Variants in BMPR2 observed in about 807,000 individuals in gnomAD.
BMPR2 encodes the protein bone morphogenetic protein receptor type-2.
In BMPR2, 29 loss-of-function variants were observed where a neutral mutation model predicts 100.8. The ratio of observed to expected loss-of-function variants is 0.29; its 90% CI spans 0.21 to 0.39. The LOEUF (loss-of-function observed/expected upper bound fraction) is 0.39. BMPR2 is among the 10% of genes least tolerant of loss of function. The pLI is 1.00. For synonymous variants in BMPR2, 382 were observed against 442.3 expected, an observed-to-expected ratio of 0.86 and a Z score of 1.71; for missense variants, 1,011 against 1,274.5, an observed-to-expected ratio of 0.79 and a Z score of 3.15.
rs1377597429 is a variant in BMPR2 at position 202,518,941 on chromosome 2, C to T, written c.741C>T (p.Tyr247=). Residue 247 remains tyrosine, a synonymous_variant, in exon 6 of 13, where the codon TAC becomes TAT. Coordinates refer to ENST00000374580, the MANE Select transcript of BMPR2 (RefSeq NM_001204.7). Reference sequence around the variant, plus strand: ...ATTTTATCAACGAAAAGAACATTTACAGAGTGCCTTTGATGGAACATGACA... The same window carrying T: ...ATTTTATCAACGAAAAGAACATTTATAGAGTGCCTTTGATGGAACATGACA... ...RQNFINEKNI[Y]RVPLMEHDNI... 6.2e-7 allele frequency: 1 copy of T among 1,614,222 alleles called. No individual in the cohort carries two copies. The highest frequency in any genetic ancestry group is 1.7e-5 in the Admixed American group (1 of 60,022).
At chr2:202,556,910 C>T (rs1185852011) in intron 12 of BMPR2, among the ~76,000 whole-genome samples, 3 of 152,024 alleles carry the variant, frequency 2.0e-5, no homozygotes, top group Admixed American at 2.0e-4. Context: ...CATGGTGAAA[C>T]CCCATCTCTA....
At chr2:202,516,140 GTT>G (rs1687706428) in intron 5 of BMPR2, among the ~76,000 whole-genome samples, 1 of 152,006 alleles carries the variant, frequency 6.6e-6, no homozygotes, top group Non-Finnish European at 1.5e-5. Context: ...CATGATGAGT[GTT>G]TTTATATTTA....
At chr2:202,412,244 A>G (rs1574434563) in intron 1 of BMPR2, among the ~76,000 whole-genome samples, 1 of 152,204 alleles carries the variant, frequency 6.6e-6, no homozygotes, top group Non-Finnish European at 1.5e-5. Flanking sequence ...AGATAGTAAA[A>G]TGAAGTCACC....
At chr2:202,533,127 T>C (rs1027122054) in intron 9 of BMPR2, among the ~76,000 whole-genome samples, 4 of 152,192 alleles carry the variant, frequency 2.6e-5, no homozygotes, top group Non-Finnish European at 5.9e-5. Flanking sequence ...TAAACACTTT[T>C]TCCTTTTCTT....
rs376774555 is a variant in BMPR2, at chr2:202,556,418, A to G, written c.2753A>G (p.Gln918Arg). Residue 918 changes from glutamine (Q) to arginine (R), a missense_variant, in exon 12 of 13, where the codon CAG (glutamine) becomes CGG (arginine). Physicochemically the swap from Gln to Arg is conservative, Grantham distance 43. This residue lies in a region of BMPR2 where 508 missense variants were observed against 552.0 expected (regional missense o/e 0.92). Transcript: ENST00000374580. ...TGTTCAGAACAAGATGTTCTTGCAC[A>G]GGGTGTTCCAAGCACAGCAGCAGAT... is the stretch of plus-strand genomic sequence containing the variant. ...NPCSEQDVLA[Q>R]GVPSTAADPG... 7 of 1,614,100 alleles carry G rather than the reference A, an allele frequency of 4.3e-6. No homozygotes were observed. The African/African-American group carries it at 9.3e-5, about 22-fold the overall frequency.
At chr2:202,457,557 TATATAGAGAGAGAGAGAGAG>T (rs1420869812) in intron 1 of BMPR2, among the ~76,000 whole-genome samples, 3 of 100,800 alleles carry the variant, frequency 3.0e-5, no homozygotes, top group South Asian at 3.1e-4. Flanking sequence ...TATATATATA[TATATAGAGAGAGAGAGAGAG>T]AGAGAGAGAG....
At chr2:202,418,019 G>A (rs143985408) in intron 1 of BMPR2, among the ~76,000 whole-genome samples, 52 of 152,030 alleles carry the variant, frequency 3.4e-4, no homozygotes, top group South Asian at 1.7e-3. Context: ...TGCCTGGCCC[G>A]TCATGTTTTT....
At chr2:202,408,463 T>C (rs1292773607) in intron 1 of BMPR2, among the ~76,000 whole-genome samples, 1 of 152,216 alleles carries the variant, frequency 6.6e-6, no homozygotes, top group Non-Finnish European at 1.5e-5. Context: ...ATCTTGACTG[T>C]ACTGGCACAA....
At chr2:202,405,084 A>G (rs1351256440) in intron 1 of BMPR2, among the ~76,000 whole-genome samples, 1 of 151,994 alleles carries the variant, frequency 6.6e-6, no homozygotes, top group African/African-American at 2.4e-5. Flanking sequence ...CAGCCTCCCA[A>G]AGTGCTGGGA....
chr2:202,379,745 A>T (rs1056584626), intron 1 of BMPR2, among the ~76,000 whole-genome samples: 1 of 152,216 alleles, frequency 6.6e-6, no homozygotes, highest in Admixed American at 6.5e-5. Flanking sequence ...ACTGATTGAT[A>T]GCACATCCTT....
chr2:202,550,077 T>A lies in BMPR2; in HGVS notation c.1414-2639T>A, dbSNP rs532106318. 3.3e-4 allele frequency among the ~76,000 whole-genome samples: 50 copies of A among 152,176 alleles called. No homozygotes were observed. In the East Asian group the frequency reaches 3.5e-3, roughly 11 times the overall value. ...TGCACAACCACATCCAGCTAATTTT[T>A]AAAAATTTTTGGCCAGGTACAGTGG... On this transcript the variant is annotated intron_variant, in intron 10 of 12. Transcript: ENST00000374580.
At chr2:202,551,948 T>C (rs1688486187) in intron 10 of BMPR2, among the ~76,000 whole-genome samples, 2 of 150,780 alleles carry the variant, frequency 1.3e-5, no homozygotes, top group Admixed American at 6.6e-5. Flanking sequence ...ACTGCCTTCA[T>C]GGTTCAAGCG....
At chr2:202,484,625 A>G (rs1266132486) in intron 3 of BMPR2, among the ~76,000 whole-genome samples, 1 of 149,330 alleles carries the variant, frequency 6.7e-6, no homozygotes, top group Non-Finnish European at 1.5e-5. Context: ...GTGAGCCGAG[A>G]TCGCGCCACT....
At chr2:202,383,391 C>G (rs1043407155) in intron 1 of BMPR2, among the ~76,000 whole-genome samples, 2 of 151,812 alleles carry the variant, frequency 1.3e-5, no homozygotes, top group African/African-American at 4.8e-5. Flanking sequence ...TACTAAAATA[C>G]AAAATTAGGC....
intron 1 of BMPR2, among the ~76,000 whole-genome samples, chr2:202,426,331 A>G (rs187504562): frequency 6.6e-6 from 1 of 152,300 alleles, no homozygotes; most frequent in Admixed American, 6.5e-5. Context: ...CTGTAATCCC[A>G]GCACTTTGGG....
At chr2:202,452,974 G>A (rs2105949124) in intron 1 of BMPR2, among the ~76,000 whole-genome samples, 1 of 152,312 alleles carries the variant, frequency 6.6e-6, no homozygotes, top group East Asian at 1.9e-4. Flanking sequence ...TCCAGGTAAA[G>A]AGAACAGAAT....
At chr2:202,496,304 T>A (rs1693026286) in intron 3 of BMPR2, among the ~76,000 whole-genome samples, 1 of 152,078 alleles carries the variant, frequency 6.6e-6, no homozygotes, top group African/African-American at 2.4e-5. Context: ...CTGAGCAACA[T>A]GGCAAAACCC....
At chr2:202,536,088 G>GGGGAGA (rs71876322) in intron 9 of BMPR2, among the ~76,000 whole-genome samples, 13 of 151,972 alleles carry the variant, frequency 8.6e-5, no homozygotes, top group African/African-American at 2.4e-4. Flanking sequence ...GGGAGACCGT[G>GGGGAGA]GGGAGAGGGA....
intron 1 of BMPR2, among the ~76,000 whole-genome samples, chr2:202,432,217 C>A (rs1691520527): frequency 6.6e-6 from 1 of 150,716 alleles, no homozygotes; most frequent in African/African-American, 2.5e-5. Flanking sequence ...GATTTGTTTT[C>A]ATTTTGTAAT....
Sources: gnomAD v4.1 joint callset for allele counts (sites outside exome capture counted in the v4.1 genomes callset) on GRCh38, gnomAD v4.1.1 for gene constraint, gnomAD v4.1.1 regional missense constraint, MANE v1.5 for transcripts, NCBI Gene and HGNC (gene_info 2026-07-23, HGNC 2026-07-21) for gene names.